The following TNS1 variants were observed in gnomAD, a reference collection of about 807,000 sequenced individuals.
The protein encoded by TNS1 is tensin 1, also known as tensin-1.
TNS1 carries 62 observed loss-of-function variants against 168.6 expected under a neutral mutation model. The ratio of observed to expected loss-of-function variants is 0.37; its 90% CI spans 0.30 to 0.45. The LOEUF (loss-of-function observed/expected upper bound fraction) is 0.45. Ranked by LOEUF, TNS1 falls within the 20% of genes least tolerant of loss-of-function variation. The probability of loss-of-function intolerance (pLI) is 1.00; values close to 1 mark genes in which losing one functional copy is unlikely to be tolerated. For synonymous variants in TNS1, 934 were observed against 933.2 expected (o/e 1.00, Z -0.02); for missense variants, 2,240 against 2,339.4 (o/e 0.96, Z 0.88).
chr2:217,843,178 T>C (rs777433112), intron 19 of TNS1, among the ~76,000 whole-genome samples: 2 of 151,962 alleles, frequency 1.3e-5, no homozygotes, highest in African/African-American at 2.4e-5. Flanking sequence ...CTCCCAAAGC[T>C]TGACATCAAT....
upstream of TNS1, among the ~76,000 whole-genome samples, chr2:218,006,961 G>A (rs1274919153): frequency 6.6e-6 from 1 of 152,020 alleles, no homozygotes; most frequent in Non-Finnish European, 1.5e-5. Flanking sequence ...CTCATCAGAG[G>A]TCACAGAGCC....
rs3791971 is a variant in TNS1, at chr2:217,852,972, C to A, written c.1430-3885G>T. ...CAGGCTGATCCCAGGCCTGTCCAGC[C>A]CTGATGAGGACTCTGCTGAAACCCC... On this transcript the variant is annotated intron_variant, in intron 18 of 32. Transcript: ENST00000682258. 9.2e-3 allele frequency among the ~76,000 whole-genome samples: 1,394 copies of A among 152,210 alleles called. 33 individuals are homozygous for A. Among genetic ancestry groups the A allele is most frequent in the East Asian group, 0.076 (393 of 5,158 alleles).
At chr2:217,831,428 T>A in intron 22 of TNS1, 27 bp downstream of exon 22, 1 of 1,540,284 alleles carries the variant, frequency 6.5e-7, no homozygotes, top group Non-Finnish European at 8.8e-7. Context: ...CTGGCCCCCC[T>A]CCCCATCTTC....
chr2:217,887,106 G>C (rs1407176297), intron 12 of TNS1, among the ~76,000 whole-genome samples: 2 of 152,164 alleles, frequency 1.3e-5, no homozygotes, highest in Non-Finnish European at 2.9e-5. Flanking sequence ...CACAGCCCCA[G>C]TTCTGCCCAC....
At chr2:217,956,673 G>A (rs975402678) in intron 3 of TNS1, among the ~76,000 whole-genome samples, 3 of 152,090 alleles carry the variant, frequency 2.0e-5, no homozygotes, top group Non-Finnish European at 4.4e-5. Flanking sequence ...TCACACACAT[G>A]CACCCCTAAA....
At chr2:217,952,806 A>C (rs1957273631) in intron 3 of TNS1, among the ~76,000 whole-genome samples, 1 of 152,222 alleles carries the variant, frequency 6.6e-6, no homozygotes, top group South Asian at 2.1e-4. Context: ...TGGGGCAAGA[A>C]GGGCCCCCAA....
chr2:217,873,188 T>C (rs928464824), intron 18 of TNS1, among the ~76,000 whole-genome samples: 2 of 152,264 alleles, frequency 1.3e-5, no homozygotes, highest in Non-Finnish European at 2.9e-5. Flanking sequence ...TATTAAATTA[T>C]ATCTATACAG....
chr2:218,002,297 G>A (rs981916097), intron 1 of TNS1, among the ~76,000 whole-genome samples: 7 of 152,154 alleles, frequency 4.6e-5, no homozygotes, highest in Admixed American at 2.0e-4. Context: ...GGGCTGTGGA[G>A]GAAGGGATGG....
rs1404532925 is a variant in TNS1, at chr2:218,030,446, C to T, written c.156+3374G>A. ...GACTTGTTTGCAGTCTGTTCCATCT[C>T]TCCCACTGGATTGACAACCCCCTGA... On this transcript the variant is annotated intron_variant, in intron 1 of 1. Transcript: ENST00000649572. Among the ~76,000 whole-genome samples, 3 of 152,256 alleles carry T rather than the reference C, an allele frequency of 2.0e-5. 1 individual carries two copies. The highest frequency in any genetic ancestry group is 4.4e-5 in the Non-Finnish European group (3 of 68,048).
At chr2:218,022,351 T>C (rs1304985191) in intron 1 of TNS1, among the ~76,000 whole-genome samples, 1 of 152,122 alleles carries the variant, frequency 6.6e-6, no homozygotes, top group Admixed American at 6.5e-5. Flanking sequence ...CGCAGCCTCC[T>C]TTCTCCCACT....
At chr2:218,010,049 G>GAGGGGGCGGGGGGGGGTCGGA (rs1958691825) in intron 1 of TNS1, 1 of 394,466 alleles carries the variant, frequency 2.5e-6, no homozygotes, top group East Asian at 3.6e-5. Flanking sequence ...GTCTGGGAGG[G>GAGGGGGCGGGGGGGGGTCGGA]AGGGGGCGGG....
At chr2:217,940,225 C>A (rs1029758392) in intron 3 of TNS1, among the ~76,000 whole-genome samples, 1 of 152,220 alleles carries the variant, frequency 6.6e-6, no homozygotes, top group East Asian at 1.9e-4. Flanking sequence ...TCCTCCCAAA[C>A]CCCAGTCTCC....
At position 217,897,836 on chromosome 2, in the gene TNS1, C is replaced by T. The variant is rs749246801; in HGVS notation, c.505G>A (p.Ala169Thr). 2 of 1,611,382 alleles carry T rather than the reference C, an allele frequency of 1.2e-6. No homozygotes were observed. Among genetic ancestry groups the T allele is most frequent in the Admixed American group, 3.4e-5 (2 of 59,688 alleles). ...ENFRSNLREV[A>T]QMLKSKHGGN... The stretch of plus-strand genomic sequence containing the variant: ...CCATGTTTGGACTTGAGCATCTGCG[C>T]CACCTCACGGAGGTTGCTCCGGAAG... Residue 169 changes from alanine (A) to threonine (T), a missense_variant, in exon 8 of 33, where the codon GCG (alanine) becomes ACG (threonine). Around this residue, in one of 2 missense-constraint regions of TNS1, gnomAD observed 2,131 missense variants for 2,171.2 expected, o/e 0.98. Coordinates refer to ENST00000682258, the MANE Select transcript of TNS1 (RefSeq NM_001387777.1).
At chr2:217,978,883 A>G in intron 2 of TNS1, 81 bp from the exon 3 acceptor site, 1 of 695,460 alleles carries the variant, frequency 1.4e-6, no homozygotes, top group Non-Finnish European at 2.6e-6. Flanking sequence ...CTCCCACCCC[A>G]GCCCGCAATC....
intron 2 of TNS1, among the ~76,000 whole-genome samples, chr2:217,982,161 G>A (rs1438335488): frequency 8.5e-5 from 13 of 152,180 alleles, no homozygotes; most frequent in Admixed American, 8.5e-4. Flanking sequence ...GCCATGTGGT[G>A]AGGGGCTGAG....
Position 217,835,098 on chromosome 2 carries a change from G to T in TNS1, c.3273C>A (p.Pro1091=). 6.3e-7 allele frequency: 1 copy of T among 1,577,050 alleles called. No homozygotes were observed. The highest frequency in any genetic ancestry group is 1.2e-5 in the South Asian group (1 of 84,110). The change falls in exon 21 of 33, where the codon CCC becomes CCA. Residue 1091 remains proline (P), a synonymous_variant. Transcript: ENST00000682258. ...MEGTSPSSPP[P]SGVRSPPGLA... ...TTCACAGGGAATTCTTACCCCCACT[G>T]GGTGGTGGGCTGCTCGGGGAGGTTC...
intron 3 of TNS1, among the ~76,000 whole-genome samples, chr2:217,950,011 A>C (rs1222215148): frequency 2.0e-5 from 3 of 152,208 alleles, no homozygotes; most frequent in African/African-American, 7.2e-5. Flanking sequence ...TTTTGGTTGT[A>C]TTAATGGAGG....
intron 19 of TNS1, chr2:217,841,914 C>T: frequency 1.7e-6 from 1 of 593,760 alleles, no homozygotes. Flanking sequence ...GATGAACCTT[C>T]TCAGATGCAC....
At chr2:217,837,262 A>G (rs1164998587) in intron 19 of TNS1, among the ~76,000 whole-genome samples, 1 of 152,194 alleles carries the variant, frequency 6.6e-6, no homozygotes, top group East Asian at 1.9e-4. Flanking sequence ...GTGCCAGTAC[A>G]GCCAAGCAGA....
Sources: gnomAD v4.1 joint callset for allele counts (sites outside exome capture counted in the v4.1 genomes callset) on GRCh38, gnomAD v4.1.1 for gene constraint, gnomAD v4.1.1 regional missense constraint, MANE v1.5 for transcripts, NCBI Gene and HGNC (gene_info 2026-07-23, HGNC 2026-07-21) for gene names.